The following TGFBR3 variants were observed in gnomAD, a reference collection of about 807,000 sequenced individuals.
The protein encoded by TGFBR3 is transforming growth factor beta receptor type 3.
A neutral mutation model predicts 87.9 loss-of-function variants in TGFBR3; 46 were observed. The ratio of observed to expected loss-of-function variants is 0.52; its 90% CI spans 0.41 to 0.67. The LOEUF is 0.67. Ranked by LOEUF, TGFBR3 falls within the 30% of genes least tolerant of loss-of-function variation. The pLI is 0.00. For synonymous variants in TGFBR3, 381 were observed against 391.6 expected (o/e 0.97, Z 0.32); for missense variants, 866 against 1,041.9 (o/e 0.83, Z 2.32).
intron 2 of TGFBR3, among the ~76,000 whole-genome samples, chr1:91,857,606 A>T (rs1431384750): frequency 1.1e-4 from 17 of 152,166 alleles, no homozygotes; most frequent in Admixed American, 1.1e-3. Context: ...ATATGGTTAT[A>T]TTTTATAAGC....
chr1:91,729,871 G>T lies in TGFBR3; in HGVS notation c.671C>A (p.Ser224Tyr). The T allele has an allele frequency of 6.2e-7, 1 of 1,614,154 alleles. No individual in the cohort carries two copies. Among genetic ancestry groups the T allele is most frequent in the Admixed American group, 1.7e-5 (1 of 60,028 alleles). ...TACTTCCTCATTCTGGGGCTGGCTGGACATCACACACCCTTCTGCTGCTTT... is the reference window on the plus strand; with the variant it reads ...TACTTCCTCATTCTGGGGCTGGCTGTACATCACACACCCTTCTGCTGCTTT... Reference protein sequence around the residue: ...QPKAAEGCVMSSQPQNEEVHI... With the variant: ...QPKAAEGCVMYSQPQNEEVHI... The change falls in exon 6 of 17, where the codon TCC (serine) becomes TAC (tyrosine). Residue 224 changes from serine to tyrosine, a missense_variant. Physicochemically the swap from Ser to Tyr is moderately radical, Grantham distance 144. Transcript: ENST00000212355.
chr1:91,742,523 T>C (rs1207874608), intron 4 of TGFBR3, among the ~76,000 whole-genome samples: 1 of 152,248 alleles, frequency 6.6e-6, no homozygotes, highest in African/African-American at 2.4e-5. Context: ...ATTTTTCACC[T>C]AATAACTCCA....
At position 91,719,919 on chromosome 1, in the gene TGFBR3, C is replaced by A. The variant is rs1440465103; in HGVS notation, c.1387G>T (p.Val463Leu). The part of the protein sequence containing the change: ...SVKCDNEKMI[V>L]AVEKDSFQAS... ...TGAAAAGAATCTTTTTCTACAGCCA[C>A]GATCATCTTCTCATTGTCACATTTG... is the stretch of plus-strand genomic sequence containing the variant. The change falls in exon 9 of 17, where the codon GTG (valine) becomes TTG (leucine). Residue 463 changes from valine (V) to leucine (L), a missense_variant. Coordinates refer to ENST00000212355, the MANE Select transcript of TGFBR3 (RefSeq NM_003243.5). 1 of 1,614,044 alleles carries A rather than the reference C, an allele frequency of 6.2e-7. No homozygotes were observed. The highest frequency in any genetic ancestry group is 1.3e-5 in the African/African-American group (1 of 74,910).
chr1:91,714,132 T>C (rs564381327), intron 12 of TGFBR3, among the ~76,000 whole-genome samples: 2 of 151,996 alleles, frequency 1.3e-5, no homozygotes, highest in Admixed American at 6.6e-5. Flanking sequence ...GACGAGCTCA[T>C]AAAAATTACA....
chr1:91,781,889 A>C (rs1216675656), intron 3 of TGFBR3, among the ~76,000 whole-genome samples: 3 of 152,198 alleles, frequency 2.0e-5, no homozygotes, highest in African/African-American at 7.2e-5. Flanking sequence ...ATGATTTGGG[A>C]AATTTGAAGA....
chr1:91,712,702 C>A (rs1750641), intron 12 of TGFBR3, among the ~76,000 whole-genome samples, 160 bp from the exon 13 acceptor site: 5 of 151,962 alleles, frequency 3.3e-5, no homozygotes, highest in African/African-American at 1.2e-4. Context: ...AACACACACA[C>A]ATTGAAAGAA....
At chr1:91,874,664 AT>A (rs565477244) in intron 1 of TGFBR3, among the ~76,000 whole-genome samples, 8 of 149,350 alleles carry the variant, frequency 5.4e-5, no homozygotes, top group Admixed American at 6.7e-5. Flanking sequence ...TGCCAGGCTA[AT>A]TTTTTTTTTA....
intron 10 of TGFBR3, among the ~76,000 whole-genome samples, chr1:91,717,791 T>C (rs948526939): frequency 7.6e-4 from 113 of 149,586 alleles, no homozygotes; most frequent in African/African-American, 2.7e-3. Context: ...AACTCAAAGA[T>C]CATAATAAAG....
intron 14 of TGFBR3, among the ~76,000 whole-genome samples, chr1:91,698,511 TTC>T (rs1320389673): frequency 1.8e-4 from 26 of 143,390 alleles, no homozygotes; most frequent in African/African-American, 6.6e-4. Flanking sequence ...TTTCAAAATA[TTC>T]TTTTTTTTTT....
At chr1:91,744,335 C>G (rs1050820164) in intron 4 of TGFBR3, among the ~76,000 whole-genome samples, 13 of 152,128 alleles carry the variant, frequency 8.5e-5, no homozygotes, top group African/African-American at 3.1e-4. Flanking sequence ...ATCTGCCCAC[C>G]CCGGCCTCCC....
chr1:91,875,553 G>A (rs1678751428), intron 1 of TGFBR3, among the ~76,000 whole-genome samples: 2 of 151,946 alleles, frequency 1.3e-5, no homozygotes, highest in Non-Finnish European at 2.9e-5. Flanking sequence ...AAAGGAAAAT[G>A]CAACCTTGGA....
At position 91,878,399 on chromosome 1, in the gene TGFBR3, G is replaced by A. The variant is rs186958848; in HGVS notation, c.-114+7479C>T. On this transcript the variant is annotated intron_variant, in intron 1 of 16. Transcript: ENST00000212355. ...TGCATCCAAGGACCAATATCACACT[G>A]TCAAAACAATAAATCACTAAAAATG... Among the ~76,000 whole-genome samples the A allele has an allele frequency of 1.9e-3, 287 of 152,046 alleles. 1 individual carries two copies. The South Asian group carries it at 0.023, about 12-fold the overall frequency.
chr1:91,807,003 C>T (rs1351275983), intron 2 of TGFBR3, among the ~76,000 whole-genome samples: 1 of 152,194 alleles, frequency 6.6e-6, no homozygotes, highest in Non-Finnish European at 1.5e-5. Flanking sequence ...GTTACCAACA[C>T]AGGATATGAC....
chr1:91,772,175 C>T (rs55988321), intron 3 of TGFBR3, among the ~76,000 whole-genome samples: 1 of 152,166 alleles, frequency 6.6e-6, no homozygotes, highest in African/African-American at 2.4e-5. Context: ...GACATAGACC[C>T]TGATTTGCTT....
At chr1:91,800,314 G>GCATGCA (rs1675564006) in intron 2 of TGFBR3, among the ~76,000 whole-genome samples, 1 of 129,300 alleles carries the variant, frequency 7.7e-6, no homozygotes, top group Non-Finnish European at 1.6e-5. Flanking sequence ...ATGCATATAT[G>GCATGCA]TATATATATG....
At position 91,811,270 on chromosome 1, in the gene TGFBR3, C is replaced by T. The variant is rs17883336; in HGVS notation, c.62-13799G>A. Among the ~76,000 whole-genome samples the T allele has an allele frequency of 4.2e-3, 632 of 152,224 alleles. 4 individuals carry two copies. Among genetic ancestry groups the T allele is most frequent in the African/African-American group, 0.015 (614 of 41,546 alleles). On this transcript the variant is annotated intron_variant, in intron 2 of 16. Coordinates refer to ENST00000212355, the MANE Select transcript of TGFBR3 (RefSeq NM_003243.5). Reference sequence around the variant, plus strand: ...AAGACTGCAATGAGCCAAGATAGTGCCACTGCACTCCAGTCTGGGTGACAC... The same window carrying T: ...AAGACTGCAATGAGCCAAGATAGTGTCACTGCACTCCAGTCTGGGTGACAC...
intron 1 of TGFBR3, among the ~76,000 whole-genome samples, chr1:91,882,864 T>C (rs192192809): frequency 6.6e-6 from 1 of 152,324 alleles, no homozygotes; most frequent in Non-Finnish European, 1.5e-5. Context: ...TAGTATCAAA[T>C]ATGATACATC....
intron 2 of TGFBR3, among the ~76,000 whole-genome samples, chr1:91,825,587 A>G (rs1676604070): frequency 6.6e-6 from 1 of 152,242 alleles, no homozygotes; most frequent in Admixed American, 6.5e-5. Context: ...CTCTGATAAC[A>G]TATTAAAAAT....
chr1:91,712,125 A>G, intron 13 of TGFBR3, 118 bp downstream of exon 13: 1 of 854,692 alleles, frequency 1.2e-6, no homozygotes, highest in Non-Finnish European at 1.9e-6. Flanking sequence ...TGACTTTAAT[A>G]TTTCAGTTGG....
Sources: allele counts gnomAD v4.1 joint callset (sites outside exome capture counted in the v4.1 genomes callset), GRCh38; gene constraint gnomAD v4.1.1; transcripts MANE v1.5; gene names NCBI Gene and HGNC (gene_info 2026-07-23, HGNC 2026-07-21).